Variants in ATP2B1 observed in about 807,000 individuals in gnomAD.
ATP2B1 encodes the protein ATPase plasma membrane Ca2+ transporting 1.
Under a neutral mutation model 124.2 loss-of-function variants are expected in ATP2B1, and 14 were observed. The observed-to-expected ratio is 0.11, with a 90% CI of 0.07 to 0.18. The LOEUF is 0.18. Ranked by LOEUF, ATP2B1 falls within the 10% of genes least tolerant of loss-of-function variation. The pLI, the probability that ATP2B1 is intolerant of heterozygous loss-of-function variation, is 1.00. For synonymous variants in ATP2B1, 449 were observed against 492.4 expected, an observed-to-expected ratio of 0.91 and a Z score of 1.17; for missense variants, 763 against 1,466.1, an observed-to-expected ratio of 0.52 and a Z score of 7.83.
At chr12:89,607,153 G>GA (rs1409118668) in intron 15 of ATP2B1, among the ~76,000 whole-genome samples, 1 of 152,120 alleles carries the variant, frequency 6.6e-6, no homozygotes, top group Non-Finnish European at 1.5e-5. Flanking sequence ...TACATCATCA[G>GA]AAGTAGGCTT....
intron 12 of ATP2B1, among the ~76,000 whole-genome samples, chr12:89,613,676 G>A (rs994350984): frequency 6.6e-6 from 1 of 152,096 alleles, no homozygotes; most frequent in Non-Finnish European, 1.5e-5. Flanking sequence ...AGGATCATCT[G>A]GACAGGGAAA....
intron 20 of ATP2B1, chr12:89,598,571 C>T: frequency 1.2e-6 from 2 of 1,607,050 alleles, no homozygotes; most frequent in Non-Finnish European, 1.7e-6. Context: ...ATTTCATGCA[C>T]TTAGGAACAC....
chr12:89,670,727 A>C (rs1887858656), intron 1 of ATP2B1, among the ~76,000 whole-genome samples: 1 of 152,106 alleles, frequency 6.6e-6, no homozygotes, highest in Non-Finnish European at 1.5e-5. Flanking sequence ...TGAGCAGCAA[A>C]CTTTGGCTTA....
At chr12:89,619,961 T>C (rs757238873) in intron 11 of ATP2B1, 38 bp downstream of exon 11, 7 of 1,607,224 alleles carry the variant, frequency 4.4e-6, no homozygotes, top group East Asian at 2.2e-5. Context: ...AAAGCAACTA[T>C]AGTCAGCAAT....
At chr12:89,599,884 A>T (rs188945192) in intron 19 of ATP2B1, among the ~76,000 whole-genome samples, 1 of 152,332 alleles carries the variant, frequency 6.6e-6, no homozygotes, top group East Asian at 1.9e-4. Context: ...ATACACGTAT[A>T]TTAGCTTATG....
At chr12:89,635,702 A>C (rs932057146) in intron 3 of ATP2B1, among the ~76,000 whole-genome samples, 2 of 152,214 alleles carry the variant, frequency 1.3e-5, no homozygotes, top group African/African-American at 4.8e-5. Context: ...TACATATGAT[A>C]GACAAGATAT....
At chr12:89,663,031 G>A (rs138556784) in intron 1 of ATP2B1, among the ~76,000 whole-genome samples, 2 of 152,294 alleles carry the variant, frequency 1.3e-5, no homozygotes, top group Non-Finnish European at 2.9e-5. Context: ...GGGAGAATCT[G>A]TGCCATTCAT....
intron 1 of ATP2B1, among the ~76,000 whole-genome samples, chr12:89,676,501 A>G (rs1888625055): frequency 6.6e-6 from 1 of 152,124 alleles, no homozygotes; most frequent in Non-Finnish European, 1.5e-5. Flanking sequence ...TACGTTGCCC[A>G]GGCTGATCTC....
chr12:89,702,942 A>G (rs992167424), intron 1 of ATP2B1, among the ~76,000 whole-genome samples: 1 of 152,170 alleles, frequency 6.6e-6, no homozygotes, highest in Non-Finnish European at 1.5e-5. Flanking sequence ...GCAAAAAAAA[A>G]TGTGCCCACA....
At chr12:89,614,461 A>G (rs909899378) in intron 12 of ATP2B1, among the ~76,000 whole-genome samples, 10 of 152,188 alleles carry the variant, frequency 6.6e-5, no homozygotes, top group African/African-American at 2.4e-4. Context: ...ACCCCAAACC[A>G]AATTTATCTT....
At chr12:89,636,838 T>A (rs1218499839) in intron 3 of ATP2B1, among the ~76,000 whole-genome samples, 1 of 152,130 alleles carries the variant, frequency 6.6e-6, no homozygotes, top group African/African-American at 2.4e-5. Context: ...TACCAGAATT[T>A]CTATTTTAAT....
chr12:89,632,044 C>T (rs759614326), intron 5 of ATP2B1, among the ~76,000 whole-genome samples: 26 of 152,130 alleles, frequency 1.7e-4, no homozygotes, highest in Admixed American at 6.5e-4. Flanking sequence ...TACGGTTCTC[C>T]GACTTGTACA....
chr12:89,624,313 A>G lies in ATP2B1; in HGVS notation c.1214T>C (p.Leu405Pro), dbSNP rs2136106717. The G allele has an allele frequency of 1.2e-6, 2 of 1,614,182 alleles. No individual in the cohort carries two copies. Among genetic ancestry groups the G allele is most frequent in the Non-Finnish European group, 1.7e-6 (2 of 1,180,014 alleles). ...TATATAAATTGGTGTGCACTCAGCAAGCCATGGTCTTTTCTGAACCCAGAA... is the reference window on the plus strand; with the variant it reads ...TATATAAATTGGTGTGCACTCAGCAGGCCATGGTCTTTTCTGAACCCAGAA... ...DTFWVQKRPW[L>P]AECTPIYIQY... Residue 405 changes from leucine (L) to proline (P), a missense_variant, in exon 9 of 21, where the codon CTT (leucine) becomes CCT (proline). This residue lies in a region of ATP2B1 where 392 missense variants were observed against 776.6 expected (regional missense o/e 0.50). Transcript: ENST00000428670.
intron 2 of ATP2B1, among the ~76,000 whole-genome samples, chr12:89,643,128 A>G (rs531999789): frequency 9.3e-5 from 14 of 151,268 alleles, no homozygotes; most frequent in Admixed American, 2.0e-4. Flanking sequence ...ATATACACGT[A>G]TATATGTATA....
rs1889837634 is a variant in ATP2B1, at chr12:89,685,310, G to C, written c.-222+23286C>G. The stretch of plus-strand genomic sequence containing the variant: ...TCTTCAACTCACTGAATTGGGAAAC[G>C]TAACTATGGGTAAACGAAATCAATG... On this transcript the variant is annotated intron_variant, in intron 1 of 20. Coordinates refer to ENST00000428670, the MANE Select transcript of ATP2B1 (RefSeq NM_001366521.1). Among the ~76,000 whole-genome samples, 2 of 152,102 alleles carry C rather than the reference G, an allele frequency of 1.3e-5. 1 individual carries two copies. Among genetic ancestry groups the C allele is most frequent in the South Asian group, 4.1e-4 (2 of 4,826 alleles).
At position 89,611,302 on chromosome 12, in the gene ATP2B1, T is replaced by C; in HGVS notation, c.2138A>G (p.Asn713Ser). 6.2e-7 allele frequency: 1 copy of C among 1,607,820 alleles called. No individual in the cohort carries two copies. Among genetic ancestry groups the C allele is most frequent in the East Asian group, 2.2e-5 (1 of 44,546 alleles). Residue 713 changes from asparagine (N) to serine (S), a missense_variant, in exon 13 of 21, where the codon AAT (asparagine) becomes AGT (serine). By Grantham distance (46) the Asn-to-Ser change is conservative. Transcript: ENST00000428670. ...TTTGGTAGCAATGGCCCGAGCAGTA[T>C]TAATATTATCACCAGTGACCATCCG... ...TVRMVTGDNI[N>S]TARAIATKCG...
At chr12:89,699,317 T>C (rs1891542153) in intron 1 of ATP2B1, among the ~76,000 whole-genome samples, 1 of 152,248 alleles carries the variant, frequency 6.6e-6, no homozygotes, top group African/African-American at 2.4e-5. Context: ...AGTTAAATGC[T>C]AGTAATATGC....
intron 6 of ATP2B1, among the ~76,000 whole-genome samples, chr12:89,628,607 A>G (rs146981221): frequency 6.6e-6 from 1 of 152,284 alleles, no homozygotes; most frequent in East Asian, 1.9e-4. Context: ...AAAGATGAGC[A>G]TATCTGAAGC....
chr12:89,606,416 T>C (rs1021824137), intron 15 of ATP2B1, among the ~76,000 whole-genome samples: 4 of 152,198 alleles, frequency 2.6e-5, no homozygotes, highest in Non-Finnish European at 5.9e-5. Context: ...TTAAGTCTTA[T>C]AGAACTACTT....
Sources: gnomAD v4.1 joint callset for allele counts (sites outside exome capture counted in the v4.1 genomes callset) on GRCh38, gnomAD v4.1.1 for gene constraint, gnomAD v4.1.1 regional missense constraint, MANE v1.5 for transcripts, NCBI Gene and HGNC (gene_info 2026-07-23, HGNC 2026-07-21) for gene names.